Variants in CAPZB observed in about 807,000 individuals in gnomAD.
CAPZB encodes the protein F-actin-capping protein subunit beta.
A neutral mutation model predicts 38.1 loss-of-function variants in CAPZB; 2 were observed. That is an observed-to-expected ratio of 0.05 (90% CI 0.02 to 0.17). The LOEUF (loss-of-function observed/expected upper bound fraction) is 0.17. CAPZB is among the 10% of genes least tolerant of loss of function. CAPZB has a pLI of 1.00. For synonymous variants in CAPZB, 107 were observed against 127.4 expected, an observed-to-expected ratio of 0.84 and a Z score of 1.08; for missense variants, 161 against 334.2, an observed-to-expected ratio of 0.48 and a Z score of 4.04.
At chr1:19,362,014 G>T (rs530570701) in intron 4 of CAPZB, among the ~76,000 whole-genome samples, 1 of 152,102 alleles carries the variant, frequency 6.6e-6, no homozygotes. Flanking sequence ...GAATTAATCC[G>T]CCCTGCCCTG....
intron 1 of CAPZB, among the ~76,000 whole-genome samples, chr1:19,463,940 A>G (rs4244004): frequency 0.95 from 144,214 of 151,588 alleles, 68,705 homozygotes; most frequent in East Asian, 0.98. Context: ...AACATTTTGG[A>G]AGGTCAAGGT....
At position 19,392,114 on chromosome 1, in the gene CAPZB, T is replaced by C. The variant is rs374457131; in HGVS notation, c.94-6488A>G. On this transcript the variant is annotated intron_variant, in intron 2 of 8. Transcript: ENST00000264202. Reference sequence around the variant, plus strand: ...AGGAGAATCACTTGAATCTGGGAGATAGAGGTTGCCGTGAGCCAAGACTGT... The same window carrying C: ...AGGAGAATCACTTGAATCTGGGAGACAGAGGTTGCCGTGAGCCAAGACTGT... 4.9e-3 allele frequency among the ~76,000 whole-genome samples: 743 copies of C among 150,120 alleles called. 4 individuals are homozygous for C. Among genetic ancestry groups the C allele is most frequent in the African/African-American group, 0.017 (706 of 40,876 alleles).
intron 1 of CAPZB, among the ~76,000 whole-genome samples, chr1:19,425,588 A>G (rs532735826): frequency 6.6e-6 from 1 of 152,336 alleles, no homozygotes; most frequent in South Asian, 2.1e-4. Context: ...ATAAACTGAG[A>G]TAAGAAATAT....
chr1:19,443,966 A>G (rs951047071), intron 1 of CAPZB, among the ~76,000 whole-genome samples: 1 of 152,022 alleles, frequency 6.6e-6, no homozygotes, highest in African/African-American at 2.4e-5. Flanking sequence ...GGTTAAAAAA[A>G]CTCTATTCAG....
chr1:19,365,828 C>A (rs2094081079), intron 4 of CAPZB, among the ~76,000 whole-genome samples: 1 of 148,292 alleles, frequency 6.7e-6, no homozygotes, highest in Non-Finnish European at 1.5e-5. Context: ...GAGTGAAACT[C>A]CGTCTCAAAA....
At chr1:19,350,987 C>CTTT (rs72134938) in intron 6 of CAPZB, among the ~76,000 whole-genome samples, 3 of 140,840 alleles carry the variant, frequency 2.1e-5, no homozygotes, top group Non-Finnish European at 3.1e-5. Context: ...ATGATCTTTC[C>CTTT]TTTTTTTTTT....
At chr1:19,372,799 C>T (rs1252451308) in intron 4 of CAPZB, among the ~76,000 whole-genome samples, 2 of 152,116 alleles carry the variant, frequency 1.3e-5, no homozygotes, top group Admixed American at 6.5e-5. Flanking sequence ...GCTCAGTTCT[C>T]GTGACATCCC....
intron 6 of CAPZB, among the ~76,000 whole-genome samples, chr1:19,346,136 C>T (rs545339425): frequency 8.5e-5 from 13 of 152,256 alleles, no homozygotes; most frequent in Middle Eastern, 3.4e-3. Context: ...TGCCTCATAA[C>T]GCACAGGGTA....
At chr1:19,355,966 C>G (rs933641207) in intron 6 of CAPZB, among the ~76,000 whole-genome samples, 2 of 152,144 alleles carry the variant, frequency 1.3e-5, no homozygotes, top group Non-Finnish European at 2.9e-5. Flanking sequence ...GCAGTACCTT[C>G]CAGTCCAAGT....
intron 1 of CAPZB, among the ~76,000 whole-genome samples, chr1:19,445,035 G>A (rs1425956372): frequency 1.3e-5 from 2 of 152,018 alleles, no homozygotes; most frequent in African/African-American, 2.4e-5. Context: ...AAGCCACCAC[G>A]CCTGGCCTTT....
At chr1:19,445,966 A>G (rs114630326) in intron 1 of CAPZB, among the ~76,000 whole-genome samples, 25 of 152,318 alleles carry the variant, frequency 1.6e-4, no homozygotes, top group African/African-American at 5.8e-4. Context: ...TGCCCTCAAG[A>G]GCACATGGTA....
intron 1 of CAPZB, among the ~76,000 whole-genome samples, chr1:19,480,598 G>A (rs1276821304): frequency 3.9e-5 from 6 of 152,202 alleles, no homozygotes; most frequent in African/African-American, 1.4e-4. Context: ...GAGCTCATAT[G>A]CTCTGTCCCC....
chr1:19,449,309 C>A lies in CAPZB; in HGVS notation c.4-29559G>T, dbSNP rs148385304. The A allele has an allele frequency of 5.8e-6, 6 of 1,032,130 alleles. No homozygotes were observed. The African/African-American group carries it at 6.7e-5, about 11-fold the overall frequency. 63.9% of individuals were successfully genotyped at this position (1,032,130 alleles called of 1,614,324 possible). On this transcript the variant is annotated intron_variant, in intron 1 of 8. Coordinates refer to ENST00000264202, the MANE Select transcript of CAPZB (RefSeq NM_004930.5). Reference sequence around the variant, plus strand: ...GGAAATGCACTGGCCTGGCGAGATGCGAGTCACGGTCAGGCATGGAGCTGA... The same window carrying A: ...GGAAATGCACTGGCCTGGCGAGATGAGAGTCACGGTCAGGCATGGAGCTGA...
At chr1:19,453,310 G>A (rs1231157749) in intron 1 of CAPZB, among the ~76,000 whole-genome samples, 1 of 151,942 alleles carries the variant, frequency 6.6e-6, no homozygotes, top group African/African-American at 2.4e-5. Context: ...CGCCTAGGCT[G>A]GAGTGCAGTG....
intron 4 of CAPZB, among the ~76,000 whole-genome samples, chr1:19,360,193 C>G (rs1302462137): frequency 1.3e-5 from 2 of 152,210 alleles, no homozygotes; most frequent in Non-Finnish European, 1.5e-5. Context: ...CACATCAATA[C>G]TACCAACGGA....
At chr1:19,450,493 G>A (rs1156499606) in intron 1 of CAPZB, among the ~76,000 whole-genome samples, 2 of 152,018 alleles carry the variant, frequency 1.3e-5, no homozygotes, top group Non-Finnish European at 2.9e-5. Context: ...CACTGTTTTA[G>A]GCATGTAAAA....
chr1:19,460,071 C>T (rs575328562), intron 1 of CAPZB, among the ~76,000 whole-genome samples: 13 of 151,302 alleles, frequency 8.6e-5, no homozygotes, highest in South Asian at 2.1e-4. Context: ...TAATAAGGAA[C>T]GAAAAAAAAC....
intron 2 of CAPZB, among the ~76,000 whole-genome samples, chr1:19,406,982 C>T (rs1221060357): frequency 1.3e-5 from 2 of 152,198 alleles, no homozygotes; most frequent in South Asian, 2.1e-4. Flanking sequence ...GTGGTAAAGA[C>T]AAGAGCTGAA....
At chr1:19,376,760 C>A (rs747128507) in intron 4 of CAPZB, among the ~76,000 whole-genome samples, 1 of 152,236 alleles carries the variant, frequency 6.6e-6, no homozygotes, top group Non-Finnish European at 1.5e-5. Context: ...CTACCACGTA[C>A]GAGGTGCATC....
Sources: allele counts gnomAD v4.1 joint callset (sites outside exome capture counted in the v4.1 genomes callset), GRCh38; gene constraint gnomAD v4.1.1; transcripts MANE v1.5; gene names NCBI Gene and HGNC (gene_info 2026-07-23, HGNC 2026-07-21).